The following MDGA2 variants were observed in gnomAD, a reference collection of about 807,000 sequenced individuals.
MDGA2 encodes MAM domain-containing glycosylphosphatidylinositol anchor protein 2.
In MDGA2, 40 loss-of-function variants were observed where a neutral mutation model predicts 117.8. The observed-to-expected ratio is 0.34, with a 90% CI of 0.26 to 0.44. The LOEUF (loss-of-function observed/expected upper bound fraction) is 0.44. Ranked by LOEUF, MDGA2 falls within the 20% of genes least tolerant of loss-of-function variation. The pLI, the probability that MDGA2 is intolerant of heterozygous loss-of-function variation, is 1.00. For missense variants in MDGA2, 1,123 were observed against 1,250.6 expected, an observed-to-expected ratio of 0.90 and a Z score of 1.54; for synonymous variants, 452 against 439.0, an observed-to-expected ratio of 1.03 and a Z score of -0.37.
At chr14:47,137,850 T>G (rs1882532723) in intron 4 of MDGA2, among the ~76,000 whole-genome samples, 2 of 152,084 alleles carry the variant, frequency 1.3e-5, no homozygotes, top group South Asian at 4.1e-4. Flanking sequence ...TAAAATGATT[T>G]CCTGCAGTCA....
At chr14:46,918,577 A>G (rs994296425) in intron 10 of MDGA2, among the ~76,000 whole-genome samples, 2 of 152,104 alleles carry the variant, frequency 1.3e-5, no homozygotes, top group East Asian at 1.9e-4. Flanking sequence ...TCCTTTTTCA[A>G]TGAGGGATAA....
At chr14:47,497,197 T>C (rs527432738) in intron 1 of MDGA2, among the ~76,000 whole-genome samples, 3 of 152,280 alleles carry the variant, frequency 2.0e-5, no homozygotes, top group African/African-American at 7.2e-5. Flanking sequence ...GTTCATAAAT[T>C]TAGAAACCAT....
chr14:46,911,348 C>T (rs946583864), intron 10 of MDGA2, among the ~76,000 whole-genome samples: 1 of 152,122 alleles, frequency 6.6e-6, no homozygotes, highest in Non-Finnish European at 1.5e-5. Context: ...AAAACATAGT[C>T]CATTACTGAG....
chr14:47,598,554 T>G (rs1896589122), intron 1 of MDGA2, among the ~76,000 whole-genome samples: 1 of 152,178 alleles, frequency 6.6e-6, no homozygotes, highest in African/African-American at 2.4e-5. Flanking sequence ...ACATGTTTAG[T>G]GAATAATTCA....
chr14:47,282,485 C>T (rs1888525625), intron 2 of MDGA2, among the ~76,000 whole-genome samples: 1 of 151,396 alleles, frequency 6.6e-6, no homozygotes, highest in South Asian at 2.1e-4. Flanking sequence ...TGAGACCATC[C>T]TGGCTAACAC....
chr14:47,555,181 T>G (rs1895660187), intron 1 of MDGA2, among the ~76,000 whole-genome samples: 1 of 152,148 alleles, frequency 6.6e-6, no homozygotes, highest in African/African-American at 2.4e-5. Flanking sequence ...AAGGCAAATA[T>G]CTCTCCAATA....
At chr14:46,926,793 T>C (rs1302271005) in intron 9 of MDGA2, among the ~76,000 whole-genome samples, 15 of 152,038 alleles carry the variant, frequency 9.9e-5, no homozygotes, top group Non-Finnish European at 2.9e-5. Flanking sequence ...CAATAACTGC[T>C]GGGAAAGAAG....
At chr14:47,584,914 C>A (rs1896296524) in intron 1 of MDGA2, among the ~76,000 whole-genome samples, 1 of 151,782 alleles carries the variant, frequency 6.6e-6, no homozygotes, top group African/African-American at 2.4e-5. Flanking sequence ...TCCTCTTCAA[C>A]CTGAATGGTA....
intron 2 of MDGA2, among the ~76,000 whole-genome samples, chr14:47,229,978 A>T (rs577973381): frequency 6.6e-6 from 1 of 151,984 alleles, no homozygotes; most frequent in East Asian, 1.9e-4. Context: ...CAAATGGAAG[A>T]TTTTTTTTAA....
chr14:47,080,027 G>A (rs1025521187), intron 6 of MDGA2, among the ~76,000 whole-genome samples: 7 of 152,058 alleles, frequency 4.6e-5, no homozygotes, highest in Non-Finnish European at 1.0e-4. Flanking sequence ...CACCGTGCCC[G>A]GCCTTTTCTC....
chr14:47,478,067 T>C (rs945247330), intron 1 of MDGA2, among the ~76,000 whole-genome samples: 2 of 152,200 alleles, frequency 1.3e-5, no homozygotes, highest in Non-Finnish European at 2.9e-5. Flanking sequence ...GTTCTTAAAA[T>C]GGACAAGACT....
intron 2 of MDGA2, among the ~76,000 whole-genome samples, chr14:47,288,158 C>A (rs1487150358): frequency 6.6e-6 from 1 of 152,182 alleles, no homozygotes; most frequent in Non-Finnish European, 1.5e-5. Flanking sequence ...GGCACTTGCC[C>A]AATTTTGGAA....
chr14:47,357,948 T>C (rs1367450460), intron 1 of MDGA2, among the ~76,000 whole-genome samples: 2 of 152,112 alleles, frequency 1.3e-5, no homozygotes, highest in African/African-American at 4.8e-5. Flanking sequence ...GAGTAGAATG[T>C]CTCAGAGGGG....
chr14:47,455,972 G>A (rs1476901113), intron 1 of MDGA2, among the ~76,000 whole-genome samples: 1 of 151,222 alleles, frequency 6.6e-6, no homozygotes, highest in Non-Finnish European at 1.5e-5. Flanking sequence ...ACTCCAGCCT[G>A]GGCAACAAAG....
At chr14:47,584,699 G>A (rs1307451680) in intron 1 of MDGA2, among the ~76,000 whole-genome samples, 1 of 151,622 alleles carries the variant, frequency 6.6e-6, no homozygotes, top group Non-Finnish European at 1.5e-5. Context: ...CCATCTTTGT[G>A]AATATCCAAT....
At chr14:47,664,952 A>T (rs1233284286) in intron 1 of MDGA2, among the ~76,000 whole-genome samples, 1 of 152,212 alleles carries the variant, frequency 6.6e-6, no homozygotes, top group East Asian at 1.9e-4. Flanking sequence ...ATCTTGATGG[A>T]CATATATATC....
intron 1 of MDGA2, among the ~76,000 whole-genome samples, chr14:47,452,119 T>C (rs1209081969): frequency 2.0e-5 from 3 of 152,044 alleles, no homozygotes; most frequent in Admixed American, 6.6e-5. Flanking sequence ...AAAAGCAGCA[T>C]TGAGTGGTAA....
chr14:46,955,439 T>G (rs972224589), intron 9 of MDGA2, among the ~76,000 whole-genome samples: 2 of 152,096 alleles, frequency 1.3e-5, no homozygotes, highest in Non-Finnish European at 2.9e-5. Flanking sequence ...GCAAAGTATT[T>G]TTTAGTATTA....
intron 8 of MDGA2, among the ~76,000 whole-genome samples, chr14:46,991,001 T>G (rs1887073974): frequency 6.6e-6 from 1 of 152,034 alleles, no homozygotes; most frequent in South Asian, 2.1e-4. Flanking sequence ...ACACACACTC[T>G]GAATTAGGCT....
Sources: gnomAD v4.1 joint callset for allele counts (sites outside exome capture counted in the v4.1 genomes callset) on GRCh38, gnomAD v4.1.1 for gene constraint, MANE v1.5 for transcripts, NCBI Gene and HGNC (gene_info 2026-07-23, HGNC 2026-07-21) for gene names.